DUOX2: variants seen among roughly 807,000 people sequenced by gnomAD.
DUOX2 encodes NADH/NADPH thyroid oxidase p138-tox.
A neutral mutation model predicts 183.3 loss-of-function variants in DUOX2; 185 were observed. That is an observed-to-expected ratio of 1.01 (90% CI 0.90 to 1.14). DUOX2 has a LOEUF of 1.14. Ranked by LOEUF, DUOX2 falls within the 50% of genes most tolerant of loss-of-function variation. The pLI is 0.00. For synonymous variants in DUOX2, 788 were observed against 812.4 expected (o/e 0.97, Z 0.51); for missense variants, 1,999 against 2,022.9 (o/e 0.99, Z 0.23).
intron 27 of DUOX2, 97 bp from the exon 28 acceptor site, chr15:45,097,838 C>G: frequency 6.2e-7 from 1 of 1,602,300 alleles, no homozygotes; most frequent in South Asian, 1.1e-5. Flanking sequence ...TCCTTCCTCT[C>G]TCATCCCTCC....
At position 45,111,523 on chromosome 15, in the gene DUOX2, G is replaced by A. The variant is rs1196048288; in HGVS notation, c.576C>T (p.Ser192=). Residue 192 remains serine (S), a synonymous_variant, in exon 6 of 34, where the codon AGC becomes AGT. Transcript: ENST00000389039. ...CCCCCGAGAAGCTCCGCAGCGCGTC[G>A]CTCCAGGAGTGCGAGGAGCCATAGA... is the stretch of plus-strand genomic sequence containing the variant. ...SAIYGSSHSW[S]DALRSFSGGQ... The A allele has an allele frequency of 1.9e-6, 3 of 1,553,442 alleles. No homozygotes were observed. Among genetic ancestry groups the A allele is most frequent in the East Asian group, 2.4e-5 (1 of 41,282 alleles).
intron 21 of DUOX2, 77 bp from the exon 22 acceptor site, chr15:45,101,351 C>T: frequency 7.8e-7 from 1 of 1,283,954 alleles, no homozygotes. Flanking sequence ...TGCCCTCCTC[C>T]CTTCTGGGAA....
chr15:45,105,636 A>T lies in DUOX2; in HGVS notation c.2334+7T>A, dbSNP rs1566975193. The T allele has an allele frequency of 6.2e-7, 1 of 1,614,186 alleles. No homozygotes were observed. The highest frequency in any genetic ancestry group is 1.7e-5 in the Admixed American group (1 of 60,028). ...GACCCATCTCCAAAAGGCACAGGTCATGGCACCTGAGCAAAAAGGTGTCTG... is the reference window on the plus strand; with the variant it reads ...GACCCATCTCCAAAAGGCACAGGTCTTGGCACCTGAGCAAAAAGGTGTCTG... On this transcript the variant is annotated splice_region_variant and intron_variant, in intron 18 of 33. Coordinates refer to ENST00000389039, the MANE Select transcript of DUOX2 (RefSeq NM_001363711.2).
intron 15 of DUOX2, 74 bp from the exon 16 acceptor site, chr15:45,106,715 C>T: frequency 6.2e-7 from 1 of 1,610,460 alleles, no homozygotes; most frequent in Middle Eastern, 1.7e-4. Context: ...GGCTATGGCC[C>T]CTCCCTTCCA....
At position 45,099,663 on chromosome 15, in the gene DUOX2, G is replaced by T. The variant is rs1243235777; in HGVS notation, c.3414C>A (p.Ala1138=). The change falls in exon 25 of 34, where the codon GCC becomes GCA. Residue 1138 remains alanine (A), a splice_region_variant and synonymous_variant. Coordinates refer to ENST00000389039, the MANE Select transcript of DUOX2 (RefSeq NM_001363711.2). ...RWIAMAAVVL[A]ILHSAGHAVN... is the part of the protein sequence containing the mutation. ...GGAAGAAGCCTGGGAGTCACGTACT[G>T]GCCAGGACAACAGCAGCCATGGCGA... 1 of 1,613,976 alleles carries T rather than the reference G, an allele frequency of 6.2e-7. No individual in the cohort carries two copies. Among genetic ancestry groups the T allele is most frequent in the Non-Finnish European group, 8.5e-7 (1 of 1,179,978 alleles).
chr15:45,112,640 T>C lies in DUOX2; in HGVS notation c.239A>G (p.Asn80Ser). The change falls in exon 4 of 34, where the codon AAC becomes AGC. Residue 80 changes from asparagine to serine, a missense_variant. Physicochemically the swap from Asn to Ser is conservative, Grantham distance 46. Transcript: ENST00000389039. ...GGCTGCGTTGCTGAGCCGGCGCGGG[T>C]TGGGCAGCTGCGGCTCCTCCAGAGC... ...YQALEEPQLPNPRRLSNAATR... is the reference protein window; with the variant it reads ...YQALEEPQLPSPRRLSNAATR... The C allele has an allele frequency of 6.2e-7, 1 of 1,612,784 alleles. No individual in the cohort carries two copies.
Position 45,101,605 on chromosome 15 carries a change from C to G in DUOX2, c.2851+188G>C, listed in dbSNP as rs182711422. On this transcript the variant is annotated intron_variant, in intron 21 of 33. Transcript: ENST00000389039. Reference sequence around the variant, plus strand: ...GATAGATTTCAACCTGCTCCTTGACCTCAGTGGGTATCATTGTGCATTAGG... The same window carrying G: ...GATAGATTTCAACCTGCTCCTTGACGTCAGTGGGTATCATTGTGCATTAGG... 6.8e-5 allele frequency: 48 copies of G among 707,760 alleles called. No individual in the cohort carries two copies. The Admixed American group carries it at 1.1e-3, about 16-fold the overall frequency. The allele number at this position is 707,760 out of a possible 1,614,324, so 43.8% of individuals were successfully genotyped here. A position where few individuals can be genotyped will look rare whatever the true frequency, so the allele number is the denominator to read the frequency against.
rs1894065500 is a variant in DUOX2, at chr15:45,100,929, G to C, written c.2922-91C>G. ...GAGCATGGGGTAGAGGTAGGGAGTG[G>C]CTCCTGGTACCAGGCAGGGGGCAAG... On this transcript the variant is annotated intron_variant, in intron 22 of 33. Transcript: ENST00000389039. 5.6e-6 allele frequency: 5 copies of C among 888,408 alleles called. No individual in the cohort carries two copies. The Admixed American group carries it at 7.9e-5, about 14-fold the overall frequency. 55.0% of individuals were successfully genotyped at this position (888,408 alleles called of 1,614,324 possible). A position where few individuals can be genotyped will look rare whatever the true frequency, so the allele number is the denominator to read the frequency against.
Position 45,114,161 on chromosome 15 carries a change from C to G in DUOX2, c.-203G>C, listed in dbSNP as rs1346035938. 3 of 307,780 alleles carry G rather than the reference C, an allele frequency of 9.7e-6. No individual in the cohort carries two copies. The highest frequency in any genetic ancestry group is 1.9e-5 in the Non-Finnish European group (3 of 157,454). The allele number at this position is 307,780 out of a possible 1,614,324, so 19.1% of individuals were successfully genotyped here. On this transcript the variant is annotated 5_prime_UTR_variant, in exon 1 of 34. Transcript: ENST00000389039. ...GTGCAGGTGTCGGCTCAGGACAGAC[C>G]TGCGCCAGTGTGAGCATCTGGACCT...
chr15:45,109,146 T>C (rs1894311241), intron 11 of DUOX2, 194 bp from the exon 12 acceptor site: 1 of 709,056 alleles, frequency 1.4e-6, no homozygotes, highest in African/African-American at 1.8e-5. Context: ...AGCCAGTTTT[T>C]CCAGTAAGAC....
chr15:45,108,325 C>T, intron 12 of DUOX2, 103 bp from the exon 13 acceptor site: 12 of 1,345,248 alleles, frequency 8.9e-6, no homozygotes, highest in Non-Finnish European at 1.2e-5. Context: ...TGCCTGGCTG[C>T]TGCTCAGGCC....
intron 32 of DUOX2, 68 bp from the exon 33 acceptor site, chr15:45,094,759 T>G: frequency 6.2e-7 from 1 of 1,606,152 alleles, no homozygotes; most frequent in Middle Eastern, 1.7e-4. Flanking sequence ...CCAGCCCACA[T>G]AGCCCAAGAG....
In DUOX2 at chr15:45,109,641, T is replaced by C. The variant is rs765356215; in HGVS notation, c.1132-15A>G. ...AGATTGGGGTTCTGGAAGTAAACAA[T>C]GCACTCAAGATAGGCCTCTACCCAA... On this transcript the variant is annotated splice_polypyrimidine_tract_variant and intron_variant, in intron 10 of 33. Transcript: ENST00000389039. 2.5e-6 allele frequency: 4 copies of C among 1,613,558 alleles called. No individual in the cohort carries two copies. The highest frequency in any genetic ancestry group is 2.7e-5 in the African/African-American group (2 of 75,034).
rs149848729 is a variant in DUOX2 at position 45,095,872 on chromosome 15, T to C, written c.4036A>G (p.Ile1346Val). The stretch of plus-strand genomic sequence containing the variant: ...CCATTGCCCTTTGGGGATGAGTAGA[T>C]CTCCCTGAGGCGAGTGGTCCAGGGC... ...VGPWTTRLRE[I>V]YSSPKGNGCA... The change falls in exon 30 of 34, where the codon ATC (isoleucine) becomes GTC (valine). Residue 1346 changes from isoleucine to valine, a missense_variant. By Grantham distance (29) the Ile-to-Val change is conservative. Around this residue, in one of 3 missense-constraint regions of DUOX2, gnomAD observed 1,628 missense variants for 1,608.6 expected, o/e 1.01. Transcript: ENST00000389039. The C allele has an allele frequency of 5.7e-5, 92 of 1,613,776 alleles. No individual in the cohort carries two copies. The highest frequency in any genetic ancestry group is 7.5e-5 in the Non-Finnish European group (89 of 1,179,992).
chr15:45,109,853 T>TTGACCCATCTTCCCCTGACCC, intron 10 of DUOX2, 37 bp downstream of exon 10: 2 of 1,594,630 alleles, frequency 1.3e-6, no homozygotes, highest in Non-Finnish European at 8.6e-7. Flanking sequence ...GAGACTGACC[T>TTGACCCATCTTCCCCTGACCC]TGACCCATCT....
At position 45,101,982 on chromosome 15, in the gene DUOX2, T is replaced by C; in HGVS notation, c.2662A>G (p.Ile888Val). The C allele has an allele frequency of 1.2e-6, 2 of 1,614,140 alleles. No homozygotes were observed. Among genetic ancestry groups the C allele is most frequent in the Non-Finnish European group, 8.5e-7 (1 of 1,180,020 alleles). The part of the protein sequence containing the change: ...DEFFTMMRSF[I>V]EISNNCLSKA... ...GACAGGCAGTTGTTGGAGATCTCGA[T>C]GAAGGATCTGGAGGAGGACCAGAGA... The change falls in exon 21 of 34, where the codon ATC becomes GTC. Residue 888 changes from isoleucine (I) to valine (V), a missense_variant. Ile to Val is a conservative substitution (Grantham distance 29). This residue lies in a region of DUOX2 where 1,628 missense variants were observed against 1,608.6 expected (regional missense o/e 1.01). Transcript: ENST00000389039.
intron 20 of DUOX2, among the ~76,000 whole-genome samples, chr15:45,102,877 G>A (rs563517889): frequency 6.6e-6 from 1 of 152,362 alleles, no homozygotes; most frequent in African/African-American, 2.4e-5. Context: ...AGCTACTTGG[G>A]AGGCTGAGGC....
intron 25 of DUOX2, 88 bp downstream of exon 25, chr15:45,099,574 A>G (rs1894008178): frequency 6.3e-7 from 1 of 1,577,266 alleles, no homozygotes; most frequent in African/African-American, 1.3e-5. Context: ...GGAGAGATGG[A>G]GGTATAAGGA....
Position 45,110,509 on chromosome 15 carries a change from A to G in DUOX2, c.959T>C (p.Leu320Pro), listed in dbSNP as rs544236153. The G allele has an allele frequency of 8.1e-6, 13 of 1,614,160 alleles. No homozygotes were observed. In the East Asian group the frequency reaches 2.9e-4, roughly 36 times the overall value. ...LPEYTGYRPF[L>P]DPSISPEFVV... is the part of the protein sequence containing the mutation. The stretch of plus-strand genomic sequence containing the variant: ...AAATTCCGGGGAGATGCTGGGGTCT[A>G]GGAAAGGACGGTATCCTGCAGGAAG... The change falls in exon 9 of 34, where the codon CTA becomes CCA. Residue 320 changes from leucine to proline, a missense_variant. Leu to Pro is a moderately conservative substitution (Grantham distance 98). Coordinates refer to ENST00000389039, the MANE Select transcript of DUOX2 (RefSeq NM_001363711.2).
Sources: gnomAD v4.1 joint callset for allele counts (sites outside exome capture counted in the v4.1 genomes callset) on GRCh38, gnomAD v4.1.1 for gene constraint, gnomAD v4.1.1 regional missense constraint, MANE v1.5 for transcripts, NCBI Gene and HGNC (gene_info 2026-07-23, HGNC 2026-07-21) for gene names.